Variants in GGNBP2 observed in about 807,000 individuals in gnomAD.
GGNBP2 encodes gametogenetin-binding protein 2.
In GGNBP2, 10 loss-of-function variants were observed where a neutral mutation model predicts 85.9. The observed-to-expected ratio is 0.12, with a 90% confidence interval of 0.07 to 0.20. GGNBP2 has a LOEUF of 0.20. Ranked by LOEUF, GGNBP2 falls within the 10% of genes least tolerant of loss-of-function variation. The pLI is 1.00. For synonymous variants in GGNBP2, 287 were observed against 285.7 expected, an observed-to-expected ratio of 1.00 and a Z score of -0.05; for missense variants, 595 against 857.8, an observed-to-expected ratio of 0.69 and a Z score of 3.83.
At chr17:36,572,466 A>G (rs1416269614) in intron 6 of GGNBP2, among the ~76,000 whole-genome samples, 1 of 152,208 alleles carries the variant, frequency 6.6e-6, no homozygotes, top group Non-Finnish European at 1.5e-5. Context: ...AGGTGGGCGG[A>G]TTGTTTGAGC....
At chr17:36,550,067 A>T (rs2074294405) in intron 2 of GGNBP2, among the ~76,000 whole-genome samples, 1 of 151,790 alleles carries the variant, frequency 6.6e-6, no homozygotes, top group Admixed American at 6.6e-5. Context: ...CCTCCTGAGT[A>T]GCTGGGATTA....
chr17:36,583,411 GT>G (rs1276328431), intron 9 of GGNBP2, among the ~76,000 whole-genome samples: 5 of 151,836 alleles, frequency 3.3e-5, no homozygotes, highest in Non-Finnish European at 7.4e-5. Context: ...TATTGGCTTG[GT>G]TGAAGCATAT....
Position 36,562,953 on chromosome 17 carries a change from CAAAAAAAAAAAAAAAAA to C in GGNBP2, c.527+2096_527+2112del, listed in dbSNP as rs34799358. Among the ~76,000 whole-genome samples, 48 of 40,554 alleles carry C rather than the reference CAAAAAAAAAAAAAAAAA, an allele frequency of 1.2e-3. 1 individual carries two copies. The highest frequency in any genetic ancestry group is 2.6e-3 in the African/African-American group (23 of 8,794). The allele number at this position is 40,554 out of a possible 152,430, so 26.6% of individuals were successfully genotyped here. A position where few individuals can be genotyped will look rare whatever the true frequency, so the allele number is the denominator to read the frequency against. ...TGGGCGACAGAGCGAGACTCTGTCT[CAAAAAAAAAAAAAAAAA>C]AAAAAAAAAAAAAGGCTGGGCGTGG... On this transcript the variant is annotated intron_variant, in intron 5 of 13. Coordinates refer to ENST00000613102, the MANE Select transcript of GGNBP2 (RefSeq NM_024835.5).
chr17:36,548,876 C>T (rs539750637), intron 2 of GGNBP2, among the ~76,000 whole-genome samples: 3 of 149,236 alleles, frequency 2.0e-5, no homozygotes, highest in South Asian at 2.1e-4. Flanking sequence ...CCCCCAGAGG[C>T]GGAGGTTGCA....
chr17:36,587,833 G>C (rs1221909628), intron 13 of GGNBP2, among the ~76,000 whole-genome samples: 1 of 152,222 alleles, frequency 6.6e-6, no homozygotes, highest in African/African-American at 2.4e-5. Flanking sequence ...GTTTCAGTGA[G>C]CTGAGATCGT....
At chr17:36,545,420 C>CGGGAGAGA (rs1555602031) in intron 1 of GGNBP2, 199 bp from the exon 2 acceptor site, 11 of 194,000 alleles carry the variant, frequency 5.7e-5, no homozygotes, top group Admixed American at 1.8e-4. Context: ...GGCGGGCGGG[C>CGGGAGAGA]GGGAGAGAGG....
Position 36,579,439 on chromosome 17 carries a change from C to A in GGNBP2, c.1020+20C>A. 1.2e-6 allele frequency: 2 copies of A among 1,609,466 alleles called. No individual in the cohort carries two copies. Among genetic ancestry groups the A allele is most frequent in the South Asian group, 1.1e-5 (1 of 90,910 alleles). ...TTTGAGGTAAGAACAGTGGGCTGTT[C>A]CAGTATCTCAGATTGCTTAGTCACG... On this transcript the variant is annotated intron_variant, in intron 8 of 13. Coordinates refer to ENST00000613102, the MANE Select transcript of GGNBP2 (RefSeq NM_024835.5).
intron 9 of GGNBP2, 62 bp downstream of exon 9, chr17:36,581,600 C>G: frequency 7.7e-7 from 1 of 1,301,708 alleles, no homozygotes; most frequent in Non-Finnish European, 1.1e-6. Context: ...GAAGTACAGG[C>G]CAGGTGTGGT....
At chr17:36,581,579 G>T (rs779875492) in intron 9 of GGNBP2, 41 bp downstream of exon 9, 3 of 1,450,650 alleles carry the variant, frequency 2.1e-6, no homozygotes, top group Non-Finnish European at 2.9e-6. Context: ...TGTATGTATT[G>T]CTTGTAGATA....
chr17:36,578,732 T>G (rs1422805925), intron 7 of GGNBP2: 1 of 155,262 alleles, frequency 6.4e-6, no homozygotes, highest in Admixed American at 6.4e-5. Flanking sequence ...ATTTAGGGTA[T>G]CAACCCTCAT....
rs1018112165 is a variant in GGNBP2, at chr17:36,554,352, A to T, written c.94-468A>T. 9.4e-4 allele frequency among the ~76,000 whole-genome samples: 42 copies of T among 44,504 alleles called. 1 individual carries two copies. The highest frequency in any genetic ancestry group is 4.5e-3 in the African/African-American group (41 of 9,112). The allele number at this position is 44,504 out of a possible 152,430, so 29.2% of individuals were successfully genotyped here. A position where few individuals can be genotyped will look rare whatever the true frequency, so the allele number is the denominator to read the frequency against. On this transcript the variant is annotated intron_variant, in intron 2 of 13. Coordinates refer to ENST00000613102, the MANE Select transcript of GGNBP2 (RefSeq NM_024835.5). ...ATGGAAACTTGTCTTATGTACTTGA[A>T]TTTTTTTTTTTTTTTTTTTTTTTTT...
chr17:36,575,198 C>A, intron 6 of GGNBP2: 1 of 639,168 alleles, frequency 1.6e-6, no homozygotes, highest in Non-Finnish European at 2.8e-6. Flanking sequence ...ATGAGCTCTG[C>A]GGCCTCAGCC....
intron 7 of GGNBP2, 39 bp from the exon 8 acceptor site, chr17:36,579,206 C>T: frequency 6.4e-7 from 1 of 1,558,010 alleles, no homozygotes; most frequent in Non-Finnish European, 8.8e-7. Flanking sequence ...TTTACTGTTT[C>T]AGTTAAAGGT....
At chr17:36,582,497 A>G (rs774126966) in intron 9 of GGNBP2, 2 of 152,160 alleles carry the variant, frequency 1.3e-5, no homozygotes, top group African/African-American at 2.4e-5. Flanking sequence ...TTCCCCCCCA[A>G]ATATTTTCGA....
chr17:36,569,283 G>A (rs1262154896), intron 6 of GGNBP2, among the ~76,000 whole-genome samples: 5 of 152,106 alleles, frequency 3.3e-5, no homozygotes, highest in Non-Finnish European at 7.4e-5. Context: ...ATGGTGGCAC[G>A]CACGTGTAGT....
At chr17:36,587,347 C>T (rs758202486) in intron 13 of GGNBP2, 102 bp downstream of exon 13, 32 of 1,211,430 alleles carry the variant, frequency 2.6e-5, no homozygotes, top group Non-Finnish European at 1.6e-5. Flanking sequence ...TTGAAGGAAG[C>T]TTATGAGAAA....
chr17:36,579,578 G>A (rs2074625334), intron 8 of GGNBP2, among the ~76,000 whole-genome samples, 159 bp downstream of exon 8: 1 of 152,210 alleles, frequency 6.6e-6, no homozygotes, highest in African/African-American at 2.4e-5. Context: ...TGGAGTGGGG[G>A]TGGTCTAGGG....
At chr17:36,581,081 G>A (rs913468706) in intron 8 of GGNBP2, among the ~76,000 whole-genome samples, 4 of 151,790 alleles carry the variant, frequency 2.6e-5, no homozygotes, top group Non-Finnish European at 5.9e-5. Context: ...TCAGGAGATC[G>A]AGACCATCCT....
chr17:36,582,945 A>G (rs2142781158), intron 9 of GGNBP2, among the ~76,000 whole-genome samples: 1 of 152,286 alleles, frequency 6.6e-6, no homozygotes, highest in Non-Finnish European at 1.5e-5. Context: ...TTAACTAAAT[A>G]TTTTTTCAAA....
Sources: gnomAD v4.1 joint callset for allele counts (sites outside exome capture counted in the v4.1 genomes callset) on GRCh38, gnomAD v4.1.1 for gene constraint, MANE v1.5 for transcripts, NCBI Gene and HGNC (gene_info 2026-07-23, HGNC 2026-07-21) for gene names.